FHIT: variants seen among roughly 807,000 people sequenced by gnomAD.
FHIT encodes fragile histidine triad diadenosine triphosphatase.
FHIT carries 19 observed loss-of-function variants against 17.9 expected under a neutral mutation model. The ratio of observed to expected loss-of-function variants is 1.06; its 90% CI spans 0.74 to 1.56. The LOEUF is 1.56. Ranked by LOEUF, FHIT falls within the 40% of genes most tolerant of loss-of-function variation. The probability of loss-of-function intolerance (pLI) is 0.00; values close to 1 mark genes in which losing one functional copy is unlikely to be tolerated. For missense variants in FHIT, 248 were observed against 189.2 expected (o/e 1.31, Z -1.82); for synonymous variants, 81 against 69.7 (o/e 1.16, Z -0.81).
chr3:60,029,060 G>A (rs1270320981), intron 5 of FHIT, among the ~76,000 whole-genome samples: 1 of 152,128 alleles, frequency 6.6e-6, no homozygotes, highest in Non-Finnish European at 1.5e-5. Context: ...AAGAAATAAA[G>A]CACTTCAATT....
chr3:60,405,508 G>T (rs1701824570), intron 5 of FHIT, among the ~76,000 whole-genome samples: 1 of 152,198 alleles, frequency 6.6e-6, no homozygotes. Context: ...AATGTTCAGT[G>T]CATCCTCATT....
At position 60,300,328 on chromosome 3, in the gene FHIT, C is replaced by CA. The variant is rs112569132; in HGVS notation, c.103+236531dup. Reference sequence around the variant, plus strand: ...CCTATCAAAGAAGAGAAATTAAGACCAAAAAAAGTGTAACTGAGGGATAGT... The same window carrying CA: ...CCTATCAAAGAAGAGAAATTAAGACCAAAAAAAAGTGTAACTGAGGGATAGT... On this transcript the variant is annotated intron_variant, in intron 5 of 9. Coordinates refer to ENST00000492590, the MANE Select transcript of FHIT (RefSeq NM_002012.4). Among the ~76,000 whole-genome samples the CA allele has an allele frequency of 7.4e-3, 1,124 of 151,778 alleles. 16 individuals carry two copies. Among genetic ancestry groups the CA allele is most frequent in the South Asian group, 0.052 (249 of 4,784 alleles).
chr3:60,539,381 G>T (rs1028494544), intron 4 of FHIT, among the ~76,000 whole-genome samples: 4 of 152,208 alleles, frequency 2.6e-5, no homozygotes, highest in Admixed American at 2.0e-4. Flanking sequence ...GGAAGACAGT[G>T]TGGTGATTCC....
In FHIT at chr3:59,915,802, T is replaced by G. The variant is rs1455623406; in HGVS notation, c.348+6544A>C. ...AAAGCATTAGCCAGGTGTGGTGGTA[T>G]GTGCCTGTAGTCCTAGCCACTCAGG... is the stretch of plus-strand genomic sequence containing the variant. On this transcript the variant is annotated intron_variant, in intron 8 of 9. Transcript: ENST00000492590. 7.2e-5 allele frequency among the ~76,000 whole-genome samples: 11 copies of G among 152,170 alleles called. No individual in the cohort carries two copies. In the South Asian group the frequency reaches 2.3e-3, roughly 32 times the overall value.
chr3:59,898,474 G>GTGTGTT (rs1704176566), intron 8 of FHIT, among the ~76,000 whole-genome samples: 1 of 145,410 alleles, frequency 6.9e-6, no homozygotes, highest in African/African-American at 2.7e-5. Flanking sequence ...GTGTGTGTGT[G>GTGTGTT]TATTTGGTAG....
rs138962383 is a variant in FHIT, at chr3:60,395,650, G to C, written c.103+141210C>G. Among the ~76,000 whole-genome samples the C allele has an allele frequency of 7.0e-4, 106 of 152,234 alleles. No homozygotes were observed. In the East Asian group the frequency reaches 0.012, roughly 17 times the overall value. ...GAGAAAGGTTTTTAAAAGGAAGAAA[G>C]AAAGGGGCCTAAAAGGGAAGGAGTT... On this transcript the variant is annotated intron_variant, in intron 5 of 9. Transcript: ENST00000492590.
intron 5 of FHIT, among the ~76,000 whole-genome samples, chr3:60,383,252 G>C (rs1356490400): frequency 6.6e-6 from 1 of 152,056 alleles, no homozygotes; most frequent in African/African-American, 2.4e-5. Context: ...GTGACCACTG[G>C]GTGAGATCTC....
At chr3:59,806,328 A>G (rs1700195397) in intron 8 of FHIT, among the ~76,000 whole-genome samples, 1 of 152,150 alleles carries the variant, frequency 6.6e-6, no homozygotes, top group African/African-American at 2.4e-5. Context: ...TAATTTTGTA[A>G]TAAGGTAACT....
intron 4 of FHIT, among the ~76,000 whole-genome samples, chr3:60,621,957 T>A (rs1346977831): frequency 6.6e-6 from 1 of 152,128 alleles, no homozygotes; most frequent in Non-Finnish European, 1.5e-5. Context: ...AGTATGCCAA[T>A]GAGGTGTCCA....
At chr3:60,619,278 A>G (rs1553677321) in intron 4 of FHIT, among the ~76,000 whole-genome samples, 1 of 152,238 alleles carries the variant, frequency 6.6e-6, no homozygotes, top group East Asian at 1.9e-4. Context: ...CTAAATGTGA[A>G]TAAAATGTAA....
At chr3:61,212,424 A>T (rs955552863) in intron 1 of FHIT, among the ~76,000 whole-genome samples, 1 of 152,222 alleles carries the variant, frequency 6.6e-6, no homozygotes, top group Non-Finnish European at 1.5e-5. Context: ...GAAATGAATG[A>T]AATGAAGCAA....
At chr3:60,093,340 C>T (rs1703807845) in intron 5 of FHIT, among the ~76,000 whole-genome samples, 1 of 152,174 alleles carries the variant, frequency 6.6e-6, no homozygotes, top group Admixed American at 6.5e-5. Context: ...ACGAAACCAT[C>T]TCACATCACA....
intron 5 of FHIT, among the ~76,000 whole-genome samples, chr3:60,358,936 T>C (rs1324928884): frequency 6.6e-6 from 1 of 152,200 alleles, no homozygotes; most frequent in African/African-American, 2.4e-5. Context: ...GCTCAATAAA[T>C]GGTAGATTGT....
At chr3:61,017,049 G>A (rs1360795023) in intron 3 of FHIT, among the ~76,000 whole-genome samples, 2 of 152,218 alleles carry the variant, frequency 1.3e-5, no homozygotes, top group African/African-American at 4.8e-5. Flanking sequence ...CACTTTGGGA[G>A]GCCGAGGTGA....
intron 2 of FHIT, among the ~76,000 whole-genome samples, chr3:61,198,669 T>C (rs1266422854): frequency 6.6e-6 from 1 of 152,120 alleles, no homozygotes. Context: ...TCCTAATACC[T>C]ACAAAACTTC....
rs555937622 is a variant in FHIT at position 60,878,304 on chromosome 3, C to T, written c.-110-56293G>A. Among the ~76,000 whole-genome samples the T allele has an allele frequency of 4.6e-5, 7 of 152,140 alleles. No homozygotes were observed. In the East Asian group the frequency reaches 1.4e-3, roughly 30 times the overall value. On this transcript the variant is annotated intron_variant, in intron 3 of 9. Coordinates refer to ENST00000492590, the MANE Select transcript of FHIT (RefSeq NM_002012.4). Reference sequence around the variant, plus strand: ...GGCTTGTGAAACTCTGATATTAGCACCCTGACTCCATAGCCACTTCAAGTA... The same window carrying T: ...GGCTTGTGAAACTCTGATATTAGCATCCTGACTCCATAGCCACTTCAAGTA...
intron 5 of FHIT, among the ~76,000 whole-genome samples, chr3:60,181,600 G>C (rs560655192): frequency 1.3e-5 from 2 of 152,196 alleles, no homozygotes; most frequent in African/African-American, 4.8e-5. Flanking sequence ...CAGAAGACCA[G>C]AGTAGAGTTT....
chr3:60,115,021 T>C (rs1312686552), intron 5 of FHIT, among the ~76,000 whole-genome samples: 1 of 152,170 alleles, frequency 6.6e-6, no homozygotes, highest in African/African-American at 2.4e-5. Context: ...TTTTCTCATC[T>C]CATGTCAAAT....
At chr3:59,892,095 C>T (rs1703877782) in intron 8 of FHIT, among the ~76,000 whole-genome samples, 1 of 152,232 alleles carries the variant, frequency 6.6e-6, no homozygotes, top group Non-Finnish European at 1.5e-5. Flanking sequence ...AGATCCTTGA[C>T]TTACCTAAAG....
Sources: gnomAD v4.1 joint callset for allele counts (sites outside exome capture counted in the v4.1 genomes callset) on GRCh38, gnomAD v4.1.1 for gene constraint, MANE v1.5 for transcripts, NCBI Gene and HGNC (gene_info 2026-07-23, HGNC 2026-07-21) for gene names.